PER3: variants seen among roughly 807,000 people sequenced by gnomAD.
The protein encoded by PER3 is period circadian regulator 3.
A neutral mutation model predicts 127.2 loss-of-function variants in PER3; 107 were observed. That is an observed-to-expected ratio of 0.84 (90% CI 0.72 to 0.99). The LOEUF is 0.99. Among genes scored for constraint, PER3 ranks in the 50% least tolerant of loss-of-function variants. The pLI, the probability that PER3 is intolerant of heterozygous loss-of-function variation, is 0.00. For synonymous variants in PER3, 618 were observed against 585.8 expected (o/e 1.05, Z -0.79); for missense variants, 1,560 against 1,525.8 (o/e 1.02, Z -0.37).
At position 7,843,940 on chromosome 1, in the gene PER3, A is replaced by C. The variant is rs371906128; in HGVS notation, c.*1185A>C. ...TTCTTAAACTTGGAATGATAGATGAAATTCACACCCCTGCAGATCAGAAAA... is the reference window on the plus strand; with the variant it reads ...TTCTTAAACTTGGAATGATAGATGACATTCACACCCCTGCAGATCAGAAAA... On this transcript the variant is annotated 3_prime_UTR_variant, in exon 22 of 22. Coordinates refer to ENST00000377532, the MANE Select transcript of PER3 (RefSeq NM_001377275.1). 59 of 1,283,054 alleles carry C rather than the reference A, an allele frequency of 4.6e-5. 2 individuals carry two copies. In the East Asian group the frequency reaches 1.1e-3, roughly 24 times the overall value. 79.5% of individuals were successfully genotyped at this position (1,283,054 alleles called of 1,614,324 possible).
At chr1:7,832,983 A>G (rs2097340321) in intron 19 of PER3, among the ~76,000 whole-genome samples, 1 of 152,124 alleles carries the variant, frequency 6.6e-6, no homozygotes, top group Non-Finnish European at 1.5e-5. Flanking sequence ...AACTGCAGGC[A>G]TATGCCAGTG....
At chr1:7,803,179 G>T in intron 9 of PER3, 26 bp downstream of exon 9, 1 of 1,305,636 alleles carries the variant, frequency 7.7e-7, no homozygotes. Flanking sequence ...TTTATAGGAG[G>T]AAATATTTTT....
chr1:7,786,687 C>G (rs1489678035), intron 3 of PER3, 34 bp from the exon 4 acceptor site: 23 of 1,083,184 alleles, frequency 2.1e-5, no homozygotes, highest in Non-Finnish European at 3.0e-5. Flanking sequence ...ACTGTTGTCA[C>G]TGGACTACCT....
intron 21 of PER3, among the ~76,000 whole-genome samples, chr1:7,839,472 A>AATATTTACC (rs768725834): frequency 1.3e-5 from 2 of 152,204 alleles, no homozygotes; most frequent in Non-Finnish European, 2.9e-5. Flanking sequence ...TTGCAATCAT[A>AATATTTACC]ATATTTACCT....
At chr1:7,836,156 C>T (rs995271985) in intron 20 of PER3, among the ~76,000 whole-genome samples, 2 of 151,856 alleles carry the variant, frequency 1.3e-5, no homozygotes, top group Admixed American at 1.3e-4. Flanking sequence ...CACCACCATG[C>T]GTGTCTAATT....
intron 21 of PER3, among the ~76,000 whole-genome samples, chr1:7,842,114 C>G (rs1280815307): frequency 5.3e-5 from 8 of 152,160 alleles, no homozygotes. Flanking sequence ...GTAGGATAAT[C>G]TTACAAGACC....
Position 7,819,304 on chromosome 1 carries a change from T to G in PER3, c.1542T>G (p.Thr514=). The part of the protein sequence containing the change: ...ANGGGECKTF[T]SFHQTLKNNS... ...TTTCAGGTGAATGTAAGACCTTTAC[T>G]TCCTTCCACCAAACACTGAAAAACA... Residue 514 remains threonine, a synonymous_variant, in exon 14 of 22, where the codon ACT becomes ACG. Coordinates refer to ENST00000377532, the MANE Select transcript of PER3 (RefSeq NM_001377275.1). The G allele has an allele frequency of 6.2e-7, 1 of 1,613,870 alleles. No homozygotes were observed. Among genetic ancestry groups the G allele is most frequent in the South Asian group, 1.1e-5 (1 of 91,072 alleles).
At chr1:7,797,019 T>C (rs1257367338) in intron 6 of PER3, among the ~76,000 whole-genome samples, 1 of 152,170 alleles carries the variant, frequency 6.6e-6, no homozygotes, top group African/African-American at 2.4e-5. Context: ...AAGTTAAGTT[T>C]GTGATACCTG....
intron 21 of PER3, among the ~76,000 whole-genome samples, chr1:7,837,972 G>A (rs2097366098): frequency 6.6e-6 from 1 of 152,170 alleles, no homozygotes; most frequent in South Asian, 2.1e-4. Flanking sequence ...GGTTGAGGCA[G>A]GAGGATTGCT....
chr1:7,786,179 C>T (rs531591682), intron 3 of PER3, among the ~76,000 whole-genome samples: 45 of 152,286 alleles, frequency 3.0e-4, no homozygotes, highest in African/African-American at 1.1e-3. Flanking sequence ...GGCGTGAACC[C>T]GGGAGGCGGA....
rs2097148316 is a variant in PER3 at position 7,796,938 on chromosome 1, A to G, written c.645-1587A>G. On this transcript the variant is annotated intron_variant, in intron 6 of 21. Transcript: ENST00000377532. ...TTTGGGCTGGAGTTATCATTTTTTG[A>G]GGCAGACGAAATTCTAGGAAAATCA... Among the ~76,000 whole-genome samples the G allele has an allele frequency of 6.6e-5, 10 of 152,260 alleles. No homozygotes were observed. In the South Asian group the frequency reaches 2.1e-3, roughly 32 times the overall value.
Position 7,785,434 on chromosome 1 carries a change from C to G in PER3, c.129-7C>G. 6.2e-7 allele frequency: 1 copy of G among 1,605,510 alleles called. No homozygotes were observed. The highest frequency in any genetic ancestry group is 8.5e-7 in the Non-Finnish European group (1 of 1,174,874). The stretch of plus-strand genomic sequence containing the variant: ...GGATGAAGTTGTAATTTTTTTTTAT[C>G]TTCCAGTGAACAGCAAGATCGAAAC... On this transcript the variant is annotated splice_polypyrimidine_tract_variant and splice_region_variant and intron_variant, in intron 2 of 21. Transcript: ENST00000377532.
intron 19 of PER3, among the ~76,000 whole-genome samples, chr1:7,831,922 G>A (rs2097333179): frequency 6.6e-6 from 1 of 152,040 alleles, no homozygotes; most frequent in African/African-American, 2.4e-5. Flanking sequence ...ACTATTCTTT[G>A]CTATTCTGTT....
At chr1:7,801,540 C>A (rs707466) in intron 8 of PER3, among the ~76,000 whole-genome samples, 32,193 of 152,068 alleles carry the variant, frequency 0.21, 3,884 homozygotes, top group East Asian at 0.48. Flanking sequence ...GGTCTTCTAG[C>A]ACTTATTCTG....
Position 7,798,551 on chromosome 1 carries a change from A to T in PER3, c.671A>T (p.Lys224Met), listed in dbSNP as rs1464632616. Reference protein sequence around the residue: ...IRGGEDRKQEKCHSPFRIIPY... With the variant: ...IRGGEDRKQEMCHSPFRIIPY... Reference sequence around the variant, plus strand: ...GGAGGTGAAGACAGAAAGCAAGAGAAGTGTCACTCCCCATTCCGGATCATC... The same window carrying T: ...GGAGGTGAAGACAGAAAGCAAGAGATGTGTCACTCCCCATTCCGGATCATC... The change falls in exon 7 of 22, where the codon AAG becomes ATG. Residue 224 changes from lysine to methionine, a missense_variant. By Grantham distance (95) the Lys-to-Met change is moderately conservative. This residue lies in a region of PER3 where 1,332 missense variants were observed against 1,223.6 expected (regional missense o/e 1.09). Transcript: ENST00000377532. 3 of 1,613,788 alleles carry T rather than the reference A, an allele frequency of 1.9e-6. No homozygotes were observed. The highest frequency in any genetic ancestry group is 2.5e-6 in the Non-Finnish European group (3 of 1,179,682).
At chr1:7,840,585 T>A (rs1038779266) in intron 21 of PER3, among the ~76,000 whole-genome samples, 10 of 151,950 alleles carry the variant, frequency 6.6e-5, no homozygotes, top group Admixed American at 5.9e-4. Flanking sequence ...CCCAAAGTGC[T>A]AGGATTATAG....
At chr1:7,822,068 C>T (rs2097279349) in intron 16 of PER3, among the ~76,000 whole-genome samples, 1 of 152,004 alleles carries the variant, frequency 6.6e-6, no homozygotes, top group Non-Finnish European at 1.5e-5. Context: ...CTCTAGGAGT[C>T]GTTGCCATTA....
Position 7,837,126 on chromosome 1 carries a change from G to T in PER3, c.3526G>T (p.Val1176Phe). The change falls in exon 21 of 22, where the codon GTC (valine) becomes TTC (phenylalanine). Residue 1176 changes from valine to phenylalanine, a missense_variant. Physicochemically the swap from Val to Phe is conservative, Grantham distance 50. Around this residue, in one of 3 missense-constraint regions of PER3, gnomAD observed 199 missense variants for 198.6 expected, o/e 1.00. Coordinates refer to ENST00000377532, the MANE Select transcript of PER3 (RefSeq NM_001377275.1). ...GTATAATTGGATTCAAAGCCAGACT[G>T]TCACTCAAGAAATCGACATTCAAGT... ...KVYNWIQSQT[V>F]TQEIDIQACV... 1 of 1,613,350 alleles carries T rather than the reference G, an allele frequency of 6.2e-7. No homozygotes were observed. The highest frequency in any genetic ancestry group is 8.5e-7 in the Non-Finnish European group (1 of 1,179,786).
In PER3 at chr1:7,826,834, T is replaced by C. The variant is rs1162970632; in HGVS notation, c.2188+124T>C. ...TTGTAAGAAACTGATGGAGAGATGC[T>C]GAAACAATCTATTTACATCAACAGT... On this transcript the variant is annotated intron_variant, in intron 17 of 21. Transcript: ENST00000377532. The surrounding 1 kb of genome is among the most constrained non-coding windows in gnomAD (Gnocchi z 4.2). The C allele has an allele frequency of 3.0e-6, 2 of 657,752 alleles. No individual in the cohort carries two copies. Among genetic ancestry groups the C allele is most frequent in the Admixed American group, 5.3e-5 (2 of 37,584 alleles). 40.7% of individuals were successfully genotyped at this position (657,752 alleles called of 1,614,324 possible).
Sources: allele counts gnomAD v4.1 joint callset (sites outside exome capture counted in the v4.1 genomes callset), GRCh38; gene constraint gnomAD v4.1.1; regional missense constraint gnomAD v4.1.1; non-coding constraint Gnocchi (gnomAD v3.1); transcripts MANE v1.5; gene names NCBI Gene and HGNC (gene_info 2026-07-23, HGNC 2026-07-21).